RILPL1: variants seen among roughly 807,000 people sequenced by gnomAD.
RILPL1 encodes the protein RILP-like protein 1.
RILPL1 carries 33 observed loss-of-function variants against 50.3 expected under a neutral mutation model. That is an observed-to-expected ratio of 0.66 (90% CI 0.50 to 0.88). The LOEUF (loss-of-function observed/expected upper bound fraction) is 0.88, where lower values mean the gene tolerates loss of function less well. Among genes scored for constraint, RILPL1 ranks in the 40% least tolerant of loss-of-function variants. The pLI is 0.00. For synonymous variants in RILPL1, 205 were observed against 228.6 expected, an observed-to-expected ratio of 0.90 and a Z score of 0.93; for missense variants, 418 against 542.5, an observed-to-expected ratio of 0.77 and a Z score of 2.28.
intron 6 of RILPL1, chr12:123,473,467 A>G (rs1408935445): frequency 6.6e-6 from 1 of 152,234 alleles, no homozygotes; most frequent in African/African-American, 2.4e-5. Context: ...GTGAGCCGAG[A>G]TCACGCCACT....
chr12:123,489,193 T>A lies in RILPL1; in HGVS notation c.802-3388A>T, dbSNP rs1199276740. ...GTGGAGCTCAGCCCTGGGAACAGAG[T>A]CAGACAGATGGGGCTGAAGAGAAGA... On this transcript the variant is annotated intron_variant, in intron 4 of 6. Coordinates refer to ENST00000376874, the MANE Select transcript of RILPL1 (RefSeq NM_178314.5). This position sits in a 1 kb window ranked among gnomAD's most constrained non-coding sequence, Gnocchi z 4.0. Among the ~76,000 whole-genome samples, 3 of 151,854 alleles carry A rather than the reference T, an allele frequency of 2.0e-5. No homozygotes were observed. The highest frequency in any genetic ancestry group is 4.4e-5 in the Non-Finnish European group (3 of 67,996).
At chr12:123,494,459 A>G (rs1199689997) in intron 4 of RILPL1, among the ~76,000 whole-genome samples, 1 of 152,184 alleles carries the variant, frequency 6.6e-6, no homozygotes, top group Non-Finnish European at 1.5e-5. Context: ...AGGGAAGCTG[A>G]AACTGACAGG....
rs368755460 is a variant in RILPL1 at position 123,533,312 on chromosome 12, G to A, written c.171C>T (p.Val57=). ...CCTCCAGGATCTCCAGGACGCGCACGACCTTGGGCATGAGGCGCGCGATGG... is the reference window on the plus strand; with the variant it reads ...CCTCCAGGATCTCCAGGACGCGCACAACCTTGGGCATGAGGCGCGCGATGG... The part of the protein sequence containing the change: ...CEAIARLMPK[V]VRVLEILEVL... Residue 57 remains valine (V), a synonymous_variant, in exon 1 of 7, where the codon GTC becomes GTT. Transcript: ENST00000376874. The surrounding 1 kb of genome is among the most constrained non-coding windows in gnomAD (Gnocchi z 6.2). 3 of 1,583,798 alleles carry A rather than the reference G, an allele frequency of 1.9e-6. No individual in the cohort carries two copies. The highest frequency in any genetic ancestry group is 1.7e-6 in the Non-Finnish European group (2 of 1,168,828).
intron 2 of RILPL1, among the ~76,000 whole-genome samples, chr12:123,501,483 G>A (rs1156666364): frequency 2.0e-5 from 3 of 149,594 alleles, no homozygotes; most frequent in African/African-American, 7.6e-5. Flanking sequence ...ACCTCAGGCT[G>A]GGTGCCGGTG....
At position 123,521,672 on chromosome 12, in the gene RILPL1, AATATATATATATACACAC is replaced by A. The variant is rs1566144513; in HGVS notation, c.460+1805_460+1822del. ...ATATACACATATATGTATATATATA[AATATATATATATACACAC>A]ATATATGTATATATATATAAATATA... On this transcript the variant is annotated intron_variant, in intron 2 of 6. Transcript: ENST00000376874. 3.2e-4 allele frequency among the ~76,000 whole-genome samples: 8 copies of A among 25,108 alleles called. 1 individual carries two copies. The highest frequency in any genetic ancestry group is 1.2e-3 in the African/African-American group (8 of 6,590). 16.5% of individuals were successfully genotyped at this position (25,108 alleles called of 152,430 possible).
chr12:123,525,115 G>C lies in RILPL1; in HGVS notation c.310-1470C>G, dbSNP rs147977259. 5.3e-5 allele frequency among the ~76,000 whole-genome samples: 8 copies of C among 152,266 alleles called. No homozygotes were observed. The East Asian group carries it at 1.5e-3, about 29-fold the overall frequency. On this transcript the variant is annotated intron_variant, in intron 1 of 6. Transcript: ENST00000376874. ...CTACTGCACTCCAGCCTGGGTGACAGAGTGAGACTCTGTCTTGGAAAAAAT... is the reference window on the plus strand; with the variant it reads ...CTACTGCACTCCAGCCTGGGTGACACAGTGAGACTCTGTCTTGGAAAAAAT...
Position 123,533,195 on chromosome 12 carries a change from C to A in RILPL1, c.288G>T (p.Glu96Asp). 1 of 1,570,950 alleles carries A rather than the reference C, an allele frequency of 6.4e-7. No individual in the cohort carries two copies. Among genetic ancestry groups the A allele is most frequent in the Non-Finnish European group, 8.6e-7 (1 of 1,162,904 alleles). The part of the protein sequence containing the change: ...RLRLERMDRI[E>D]KERKHQKELE... ...CCACCTTCTGGTGCTTGCGCTCCTT[C>A]TCGATGCGGTCCATCCTCTCCAGGC... Residue 96 changes from glutamate (E) to aspartate (D), a missense_variant, in exon 1 of 7, where the codon GAG becomes GAT. Transcript: ENST00000376874. The surrounding 1 kb of genome is among the most constrained non-coding windows in gnomAD (Gnocchi z 6.2).
intron 2 of RILPL1, among the ~76,000 whole-genome samples, chr12:123,517,953 G>A (rs1455993423): frequency 6.6e-6 from 1 of 152,150 alleles, no homozygotes; most frequent in East Asian, 1.9e-4. Context: ...AACATGTTAG[G>A]TGAAATAAGC....
chr12:123,474,653 C>T (rs549322330), intron 6 of RILPL1: 81 of 152,330 alleles, frequency 5.3e-4, no homozygotes, highest in African/African-American at 1.8e-3. Context: ...CGAGCCCGGC[C>T]GTCACCAACA....
chr12:123,501,001 G>A (rs1381597193), intron 2 of RILPL1, among the ~76,000 whole-genome samples: 3 of 151,936 alleles, frequency 2.0e-5, no homozygotes, highest in African/African-American at 7.3e-5. Flanking sequence ...CCAGCTACTC[G>A]GGAGGCTGAG....
intron 3 of RILPL1, among the ~76,000 whole-genome samples, chr12:123,499,154 G>C (rs1883208590): frequency 1.3e-5 from 2 of 152,350 alleles, no homozygotes; most frequent in Admixed American, 1.3e-4. Context: ...CTTGGGGTCA[G>C]AGCAAAGTCT....
At chr12:123,490,060 C>A (rs1384876921) in intron 4 of RILPL1, among the ~76,000 whole-genome samples, 2 of 152,112 alleles carry the variant, frequency 1.3e-5, no homozygotes, top group Admixed American at 6.5e-5. Flanking sequence ...CCTTCTCCTG[C>A]CTGGACCCTG....
At chr12:123,492,744 T>C (rs1364910023) in intron 4 of RILPL1, among the ~76,000 whole-genome samples, 1 of 152,192 alleles carries the variant, frequency 6.6e-6, no homozygotes, top group Non-Finnish European at 1.5e-5. Context: ...TTCTTCTGCC[T>C]TGAGATTCTG....
chr12:123,533,336 G>A lies in RILPL1; in HGVS notation c.147C>T (p.Ala49=). ...CGACCTTGGGCATGAGGCGCGCGATGGCCTCGCAGCCGTGCTGGTCAATGA... is the reference window on the plus strand; with the variant it reads ...CGACCTTGGGCATGAGGCGCGCGATAGCCTCGCAGCCGTGCTGGTCAATGA... The part of the protein sequence containing the change: ...ERVIDQHGCE[A]IARLMPKVVR... Residue 49 remains alanine (A), a synonymous_variant, in exon 1 of 7, where the codon GCC becomes GCT. Coordinates refer to ENST00000376874, the MANE Select transcript of RILPL1 (RefSeq NM_178314.5). The surrounding 1 kb of genome is among the most constrained non-coding windows in gnomAD (Gnocchi z 6.2). 1 of 1,582,390 alleles carries A rather than the reference G, an allele frequency of 6.3e-7. No individual in the cohort carries two copies. Among genetic ancestry groups the A allele is most frequent in the South Asian group, 1.1e-5 (1 of 86,986 alleles).
intron 2 of RILPL1, among the ~76,000 whole-genome samples, chr12:123,501,759 CA>C (rs71088919): frequency 0.95 from 104,805 of 110,792 alleles, 49,475 homozygotes; most frequent in East Asian, 0.97. Context: ...GACTCTGTCT[CA>C]AAAAAAAAAA....
rs35970945 is a variant in RILPL1 at position 123,470,811 on chromosome 12, A to G, written c.*1727T>C. On this transcript the variant is annotated 3_prime_UTR_variant, in exon 7 of 7. Coordinates refer to ENST00000376874, the MANE Select transcript of RILPL1 (RefSeq NM_178314.5). The stretch of plus-strand genomic sequence containing the variant: ...AAAAGAGAGACATTTAGTGTTTAGG[A>G]AAGATAACCAAGAAACTGGCAATTT... The G allele has an allele frequency of 0.2, 30,216 of 152,130 alleles. 3,180 individuals carry two copies. The highest frequency in any genetic ancestry group is 0.27 in the Middle Eastern group (80 of 294). 9.4% of individuals were successfully genotyped at this position (152,130 alleles called of 1,614,324 possible). A position where few individuals can be genotyped will look rare whatever the true frequency, so the allele number is the denominator to read the frequency against.
chr12:123,532,194 T>C (rs1292683526), intron 1 of RILPL1, among the ~76,000 whole-genome samples: 4 of 152,364 alleles, frequency 2.6e-5, no homozygotes, highest in African/African-American at 9.6e-5. Flanking sequence ...TCAGGCACCC[T>C]GATCCCTCAA....
intron 2 of RILPL1, among the ~76,000 whole-genome samples, chr12:123,509,962 C>A (rs1290857535): frequency 6.6e-6 from 1 of 152,190 alleles, no homozygotes; most frequent in Non-Finnish European, 1.5e-5. Flanking sequence ...TCCCTGGAGC[C>A]GAGGCCTGGC....
intron 2 of RILPL1, among the ~76,000 whole-genome samples, chr12:123,518,648 GA>G (rs1474369022): frequency 5.9e-5 from 9 of 151,918 alleles, no homozygotes; most frequent in African/African-American, 2.2e-4. Context: ...GACTTAATAT[GA>G]AAAAAATGCA....
Sources: allele counts gnomAD v4.1 joint callset (sites outside exome capture counted in the v4.1 genomes callset), GRCh38; gene constraint gnomAD v4.1.1; non-coding constraint Gnocchi (gnomAD v3.1); transcripts MANE v1.5; gene names NCBI Gene and HGNC (gene_info 2026-07-23, HGNC 2026-07-21).